P2RY1: variants seen among roughly 807,000 people sequenced by gnomAD.
The protein encoded by P2RY1 is P2Y purinoceptor 1.
In P2RY1, 14 loss-of-function variants were observed where a neutral mutation model predicts 22.8. The ratio of observed to expected loss-of-function variants is 0.61; its 90% confidence interval spans 0.41 to 0.96. P2RY1 has a LOEUF of 0.96. P2RY1 is among the 40% of genes least tolerant of loss of function. The pLI, the probability that P2RY1 is intolerant of heterozygous loss-of-function variation, is 0.00. For synonymous variants in P2RY1, 200 were observed against 195.1 expected (o/e 1.03, Z -0.21); for missense variants, 395 against 470.3 (o/e 0.84, Z 1.48).
rs899125620 is a variant in P2RY1 at position 152,839,625 on chromosome 3, T to A, written c.*2721T>A. 6 of 152,188 alleles carry A rather than the reference T, an allele frequency of 3.9e-5. No individual in the cohort carries two copies. Among genetic ancestry groups the A allele is most frequent in the African/African-American group, 1.2e-4 (5 of 41,438 alleles). 9.4% of individuals were successfully genotyped at this position (152,188 alleles called of 1,614,324 possible). ...CTAAGAAGAAATACAGCATGCAAGTTGGAATTCAGAGTTAAAACCATGATG... is the reference window on the plus strand; with the variant it reads ...CTAAGAAGAAATACAGCATGCAAGTAGGAATTCAGAGTTAAAACCATGATG... On this transcript the variant is annotated 3_prime_UTR_variant, in exon 1 of 1. Coordinates refer to ENST00000305097, the MANE Select transcript of P2RY1 (RefSeq NM_002563.5).
Position 152,839,190 on chromosome 3 carries a change from A to G in P2RY1, c.*2286A>G, listed in dbSNP as rs1036848245. ...GTTTACTACTTGGCATGTTTTTTCCAAAGTGTTTCTTCTTTAGCTTCATAC... is the reference window on the plus strand; with the variant it reads ...GTTTACTACTTGGCATGTTTTTTCCGAAGTGTTTCTTCTTTAGCTTCATAC... On this transcript the variant is annotated 3_prime_UTR_variant, in exon 1 of 1. Transcript: ENST00000305097. 6.6e-6 allele frequency: 1 copy of G among 152,302 alleles called. No individual in the cohort carries two copies. Among genetic ancestry groups the G allele is most frequent in the Non-Finnish European group, 1.5e-5 (1 of 68,014 alleles). The allele number at this position is 152,302 out of a possible 1,614,324, so 9.4% of individuals were successfully genotyped here.
rs1172479299 is a variant in P2RY1 at position 152,835,649 on chromosome 3, C to G, written c.-134C>G. The stretch of plus-strand genomic sequence containing the variant: ...GGCGTGGGCGAGCCCCTGCGCGCCC[C>G]CTCCCGCGGGGATCCAGTTCGCCTG... On this transcript the variant is annotated 5_prime_UTR_variant, in exon 1 of 1. Transcript: ENST00000305097. 22 of 884,376 alleles carry G rather than the reference C, an allele frequency of 2.5e-5. No individual in the cohort carries two copies. In the East Asian group the frequency reaches 5.5e-4, roughly 22 times the overall value. The allele number at this position is 884,376 out of a possible 1,614,324, so 54.8% of individuals were successfully genotyped here. A position where few individuals can be genotyped will look rare whatever the true frequency, so the allele number is the denominator to read the frequency against.
rs1247202294 is a variant in P2RY1, at chr3:152,836,601, C to T, written c.819C>T (p.Tyr273=). The T allele has an allele frequency of 5.0e-6, 8 of 1,614,074 alleles. No individual in the cohort carries two copies. Among genetic ancestry groups the T allele is most frequent in the African/African-American group, 1.3e-5 (1 of 74,914 alleles). ...TACTGACTGTTTTTGCTGTGTCTTA[C>T]ATCCCTTTCCATGTGATGAAAACGA... ...IIVLTVFAVS[Y]IPFHVMKTMN... The change falls in exon 1 of 1, where the codon TAC becomes TAT. Residue 273 remains tyrosine (Y), a synonymous_variant. Transcript: ENST00000305097. The surrounding 1 kb of genome is among the most constrained non-coding windows in gnomAD (Gnocchi z 5.6).
rs779296105 is a variant in P2RY1, at chr3:152,836,657, C to T, written c.875C>T (p.Thr292Ile). Residue 292 changes from threonine to isoleucine, a missense_variant, in exon 1 of 1, where the codon ACC (threonine) becomes ATC (isoleucine). Around this residue, in one of 3 missense-constraint regions of P2RY1, gnomAD observed 291 missense variants for 361.6 expected, o/e 0.80. Transcript: ENST00000305097. This position sits in a 1 kb window ranked among gnomAD's most constrained non-coding sequence, Gnocchi z 5.6. ...TTGAGGGCCCGGCTTGATTTTCAGA[C>T]CCCAGCAATGTGTGCTTTCAATGAC... ...MNLRARLDFQTPAMCAFNDRV... is the reference protein window; with the variant it reads ...MNLRARLDFQIPAMCAFNDRV... The T allele has an allele frequency of 6.2e-7, 1 of 1,614,144 alleles. No individual in the cohort carries two copies. The highest frequency in any genetic ancestry group is 2.2e-5 in the East Asian group (1 of 44,884).
In P2RY1 at chr3:152,836,500, A is replaced by G; in HGVS notation, c.718A>G (p.Ile240Val). 1.2e-6 allele frequency: 2 copies of G among 1,614,230 alleles called. No homozygotes were observed. Among genetic ancestry groups the G allele is most frequent in the Non-Finnish European group, 1.7e-6 (2 of 1,180,034 alleles). The part of the protein sequence containing the change: ...LVLILGCYGL[I>V]VRALIYKDLD... ...GCTGATTCTGGGCTGTTACGGATTAATTGTGAGAGCTTTGATTTACAAAGA... is the reference window on the plus strand; with the variant it reads ...GCTGATTCTGGGCTGTTACGGATTAGTTGTGAGAGCTTTGATTTACAAAGA... Residue 240 changes from isoleucine (I) to valine (V), a missense_variant, in exon 1 of 1, where the codon ATT becomes GTT. By Grantham distance (29) the Ile-to-Val change is conservative. Coordinates refer to ENST00000305097, the MANE Select transcript of P2RY1 (RefSeq NM_002563.5). The surrounding 1 kb of genome is among the most constrained non-coding windows in gnomAD (Gnocchi z 5.6).
rs1440209374 is a variant in P2RY1, at chr3:152,837,519, A to G, written c.*615A>G. On this transcript the variant is annotated 3_prime_UTR_variant, in exon 1 of 1. Transcript: ENST00000305097. Reference sequence around the variant, plus strand: ...AAGCTAATGAATTTAAAAGCCTGAAAAGTGATTGTTTTCCAGTTATTTCTG... The same window carrying G: ...AAGCTAATGAATTTAAAAGCCTGAAGAGTGATTGTTTTCCAGTTATTTCTG... The G allele has an allele frequency of 5.9e-6, 1 of 168,734 alleles. No homozygotes were observed. The highest frequency in any genetic ancestry group is 1.5e-5 in the Non-Finnish European group (1 of 68,308). 10.5% of individuals were successfully genotyped at this position (168,734 alleles called of 1,614,324 possible).
rs1040809051 is a variant in P2RY1 at position 152,839,839 on chromosome 3, G to T, written c.*2935G>T. On this transcript the variant is annotated 3_prime_UTR_variant, in exon 1 of 1. Coordinates refer to ENST00000305097, the MANE Select transcript of P2RY1 (RefSeq NM_002563.5). The stretch of plus-strand genomic sequence containing the variant: ...TCCACTCCTTGGCTAAAAAAATCTT[G>T]GAAGTTTCACAGATTATGATGTGGA... 1 of 152,014 alleles carries T rather than the reference G, an allele frequency of 6.6e-6. No individual in the cohort carries two copies. Among genetic ancestry groups the T allele is most frequent in the Non-Finnish European group, 1.5e-5 (1 of 68,010 alleles). 9.4% of individuals were successfully genotyped at this position (152,014 alleles called of 1,614,324 possible). A position where few individuals can be genotyped will look rare whatever the true frequency, so the allele number is the denominator to read the frequency against.
rs1716271094 is a variant in P2RY1, at chr3:152,840,505, A to G, written c.*3601A>G. ...AGGAGGTTTAGAGTATTGTCACTAA[A>G]TATGATCAAAGCTTCCCTTTCCAAA... On this transcript the variant is annotated 3_prime_UTR_variant, in exon 1 of 1. Transcript: ENST00000305097. The G allele has an allele frequency of 6.6e-6, 1 of 152,146 alleles. No individual in the cohort carries two copies. Among genetic ancestry groups the G allele is most frequent in the African/African-American group, 2.4e-5 (1 of 41,440 alleles). 9.4% of individuals were successfully genotyped at this position (152,146 alleles called of 1,614,324 possible). A position where few individuals can be genotyped will look rare whatever the true frequency, so the allele number is the denominator to read the frequency against.
rs936874120 is a variant in P2RY1 at position 152,839,148 on chromosome 3, A to G, written c.*2244A>G. 7 of 152,130 alleles carry G rather than the reference A, an allele frequency of 4.6e-5. No homozygotes were observed. Among genetic ancestry groups the G allele is most frequent in the African/African-American group, 1.4e-4 (6 of 41,414 alleles). 9.4% of individuals were successfully genotyped at this position (152,130 alleles called of 1,614,324 possible). ...GTGTGGATCCAGTGAGGAGGTGAACAGTAACTAGAAATGCTTGTTTACTAC... is the reference window on the plus strand; with the variant it reads ...GTGTGGATCCAGTGAGGAGGTGAACGGTAACTAGAAATGCTTGTTTACTAC... On this transcript the variant is annotated 3_prime_UTR_variant, in exon 1 of 1. Transcript: ENST00000305097.
rs528673675 is a variant in P2RY1 at position 152,838,868 on chromosome 3, C to G, written c.*1964C>G. The G allele has an allele frequency of 7.9e-5, 12 of 152,220 alleles. No homozygotes were observed. The South Asian group carries it at 2.5e-3, about 32-fold the overall frequency. The allele number at this position is 152,220 out of a possible 1,614,324, so 9.4% of individuals were successfully genotyped here. Reference sequence around the variant, plus strand: ...CACTTCATCAGGCTCAAATAACATCCGTTTTAGATTCCTACAAGACAAAAT... The same window carrying G: ...CACTTCATCAGGCTCAAATAACATCGGTTTTAGATTCCTACAAGACAAAAT... On this transcript the variant is annotated 3_prime_UTR_variant, in exon 1 of 1. Coordinates refer to ENST00000305097, the MANE Select transcript of P2RY1 (RefSeq NM_002563.5).
In P2RY1 at chr3:152,837,276, T is replaced by C; in HGVS notation, c.*372T>C. 1 of 192,540 alleles carries C rather than the reference T, an allele frequency of 5.2e-6. No individual in the cohort carries two copies. The highest frequency in any genetic ancestry group is 1.6e-4 in the East Asian group (1 of 6,286). 11.9% of individuals were successfully genotyped at this position (192,540 alleles called of 1,614,324 possible). A position where few individuals can be genotyped will look rare whatever the true frequency, so the allele number is the denominator to read the frequency against. On this transcript the variant is annotated 3_prime_UTR_variant, in exon 1 of 1. Coordinates refer to ENST00000305097, the MANE Select transcript of P2RY1 (RefSeq NM_002563.5). ...AAACTAGCCCCCTGCAACTTGAGTT[T>C]GTGGTTTATCTAGCCTTTATTGTTT...
rs1363327922 is a variant in P2RY1, at chr3:152,837,811, A to C, written c.*907A>C. The C allele has an allele frequency of 6.0e-6, 1 of 167,088 alleles. No homozygotes were observed. The highest frequency in any genetic ancestry group is 2.4e-5 in the African/African-American group (1 of 41,454). The allele number at this position is 167,088 out of a possible 1,614,324, so 10.4% of individuals were successfully genotyped here. A position where few individuals can be genotyped will look rare whatever the true frequency, so the allele number is the denominator to read the frequency against. On this transcript the variant is annotated 3_prime_UTR_variant, in exon 1 of 1. Coordinates refer to ENST00000305097, the MANE Select transcript of P2RY1 (RefSeq NM_002563.5). ...GAATTGCAAATAAATTACAGACCAA[A>C]GATTGAGTAAAGTCAAATAACTGTT...
At position 152,835,668 on chromosome 3, in the gene P2RY1, T is replaced by G; in HGVS notation, c.-115T>G. On this transcript the variant is annotated 5_prime_UTR_variant, in exon 1 of 1. Coordinates refer to ENST00000305097, the MANE Select transcript of P2RY1 (RefSeq NM_002563.5). Reference sequence around the variant, plus strand: ...GCGCCCCCTCCCGCGGGGATCCAGTTCGCCTGCTCCCTTCCGCTCGCTGGC... The same window carrying G: ...GCGCCCCCTCCCGCGGGGATCCAGTGCGCCTGCTCCCTTCCGCTCGCTGGC... 9.5e-7 allele frequency: 1 copy of G among 1,051,348 alleles called. No homozygotes were observed. The highest frequency in any genetic ancestry group is 1.3e-6 in the Non-Finnish European group (1 of 748,902). 65.1% of individuals were successfully genotyped at this position (1,051,348 alleles called of 1,614,324 possible).
Position 152,836,582 on chromosome 3 carries a change from CTG to C in P2RY1, c.802_803del (p.Val268PhefsTer21). 1 of 1,614,162 alleles carries C rather than the reference CTG, an allele frequency of 6.2e-7. No homozygotes were observed. The highest frequency in any genetic ancestry group is 8.5e-7 in the Non-Finnish European group (1 of 1,180,020). On this transcript the variant is annotated frameshift_variant, in exon 1 of 1. Transcript: ENST00000305097. LOFTEE classifies it high-confidence loss of function. This position sits in a 1 kb window ranked among gnomAD's most constrained non-coding sequence, Gnocchi z 5.6. ...ATTTACCTGGTAATCATTGTACTGA[CTG>C]TTTTTGCTGTGTCTTACATCCCTTT... is the stretch of plus-strand genomic sequence containing the variant.
rs1256794868 is a variant in P2RY1 at position 152,838,407 on chromosome 3, A to G, written c.*1503A>G. ...ATAACAAGGTGAGATAATGCAATTG[A>G]CAATCCCAAACAAATCCAGTGTCAA... On this transcript the variant is annotated 3_prime_UTR_variant, in exon 1 of 1. Transcript: ENST00000305097. 1 of 152,244 alleles carries G rather than the reference A, an allele frequency of 6.6e-6. No individual in the cohort carries two copies. The highest frequency in any genetic ancestry group is 2.4e-5 in the African/African-American group (1 of 41,476). The allele number at this position is 152,244 out of a possible 1,614,324, so 9.4% of individuals were successfully genotyped here.
chr3:152,836,101 C>T lies in P2RY1; in HGVS notation c.319C>T (p.Leu107=). Residue 107 remains leucine (L), a synonymous_variant, in exon 1 of 1, where the codon CTG becomes TTG. Coordinates refer to ENST00000305097, the MANE Select transcript of P2RY1 (RefSeq NM_002563.5). This position sits in a 1 kb window ranked among gnomAD's most constrained non-coding sequence, Gnocchi z 5.6. ...DFLYVLTLPA[L]IFYYFNKTDW... is the part of the protein sequence containing the mutation. Reference sequence around the variant, plus strand: ...CTTGTACGTGCTGACTCTGCCAGCCCTGATCTTCTACTACTTCAATAAAAC... The same window carrying T: ...CTTGTACGTGCTGACTCTGCCAGCCTTGATCTTCTACTACTTCAATAAAAC... The T allele has an allele frequency of 6.2e-7, 1 of 1,614,162 alleles. No individual in the cohort carries two copies.
Position 152,836,786 on chromosome 3 carries a change from T to A in P2RY1, c.1004T>A (p.Leu335His). Residue 335 changes from leucine (L) to histidine (H), a missense_variant, in exon 1 of 1, where the codon CTC becomes CAC. Transcript: ENST00000305097. This position sits in a 1 kb window ranked among gnomAD's most constrained non-coding sequence, Gnocchi z 5.6. ...FLAGDTFRRR[L>H]SRATRKASRR... is the part of the protein sequence containing the mutation. ...GCGGGAGATACTTTCAGAAGGAGAC[T>A]CTCCCGAGCCACAAGGAAAGCTTCT... The A allele has an allele frequency of 6.2e-7, 1 of 1,613,748 alleles. No individual in the cohort carries two copies. Among genetic ancestry groups the A allele is most frequent in the Non-Finnish European group, 8.5e-7 (1 of 1,180,008 alleles).
At position 152,835,968 on chromosome 3, in the gene P2RY1, C is replaced by T. The variant is rs1205744083; in HGVS notation, c.186C>T (p.Phe62=). 1 of 1,614,218 alleles carries T rather than the reference C, an allele frequency of 6.2e-7. No individual in the cohort carries two copies. Among genetic ancestry groups the T allele is most frequent in the Non-Finnish European group, 8.5e-7 (1 of 1,180,032 alleles). ...YYLPAVYILV[F]IIGFLGNSVA... is the part of the protein sequence containing the mutation. ...TGCCGGCTGTCTACATCTTGGTATTCATCATCGGCTTCCTGGGCAACAGCG... is the reference window on the plus strand; with the variant it reads ...TGCCGGCTGTCTACATCTTGGTATTTATCATCGGCTTCCTGGGCAACAGCG... Residue 62 remains phenylalanine, a synonymous_variant, in exon 1 of 1, where the codon TTC becomes TTT. Transcript: ENST00000305097.
Position 152,835,773 on chromosome 3 carries a change from G to A in P2RY1, c.-10G>A, listed in dbSNP as rs201872213. 5.4e-5 allele frequency: 86 copies of A among 1,582,094 alleles called. No individual in the cohort carries two copies. The highest frequency in any genetic ancestry group is 4.3e-6 in the Non-Finnish European group (5 of 1,167,226). On this transcript the variant is annotated 5_prime_UTR_variant, in exon 1 of 1. Transcript: ENST00000305097. ...CCCTCGGAGCCGCCGCCTAAGTCGA[G>A]GAGGAGAGAATGACCGAGGTGCTGT... is the stretch of plus-strand genomic sequence containing the variant.
Sources: gnomAD v4.1 joint callset for allele counts on GRCh38, gnomAD v4.1.1 for gene constraint, gnomAD v4.1.1 regional missense constraint, Gnocchi (gnomAD v3.1) non-coding constraint, MANE v1.5 for transcripts, NCBI Gene and HGNC (gene_info 2026-07-23, HGNC 2026-07-21) for gene names.